Variants in SNX29 observed in about 807,000 individuals in gnomAD.
SNX29 encodes the protein sorting nexin-29.
Under a neutral mutation model 102.1 loss-of-function variants are expected in SNX29, and 78 were observed. The ratio of observed to expected loss-of-function variants is 0.76; its 90% CI spans 0.64 to 0.92. SNX29 has a LOEUF of 0.92. Ranked by LOEUF, SNX29 falls within the 40% of genes least tolerant of loss-of-function variation. The pLI, the probability that SNX29 is intolerant of heterozygous loss-of-function variation, is 0.00. For synonymous variants in SNX29, 580 were observed against 414.5 expected (o/e 1.40, Z -4.85); for missense variants, 1,280 against 1,061.7 (o/e 1.21, Z -2.86).
At chr16:12,257,560 G>C (rs1371662508) in intron 14 of SNX29, among the ~76,000 whole-genome samples, 1 of 152,064 alleles carries the variant, frequency 6.6e-6, no homozygotes, top group Non-Finnish European at 1.5e-5. Context: ...CCAGCCTGGA[G>C]TGCAATGGCA....
At chr16:12,528,987 C>T (rs1055566441) in intron 20 of SNX29, among the ~76,000 whole-genome samples, 1 of 152,222 alleles carries the variant, frequency 6.6e-6, no homozygotes, top group African/African-American at 2.4e-5. Context: ...CACACTCTTC[C>T]ATTTTTAAAT....
intron 18 of SNX29, among the ~76,000 whole-genome samples, chr16:12,406,070 A>T (rs2084150348): frequency 6.6e-6 from 1 of 152,212 alleles, no homozygotes; most frequent in Non-Finnish European, 1.5e-5. Flanking sequence ...ATTCCACAAA[A>T]GATTTGACAT....
intron 15 of SNX29, among the ~76,000 whole-genome samples, chr16:12,341,742 C>G (rs973543330): frequency 4.6e-5 from 7 of 152,232 alleles, no homozygotes; most frequent in Admixed American, 3.3e-4. Context: ...ACATTTGTCA[C>G]TTCCACCTGG....
intron 10 of SNX29, among the ~76,000 whole-genome samples, chr16:12,073,759 A>G (rs2051412662): frequency 1.3e-5 from 2 of 152,108 alleles, no homozygotes; most frequent in South Asian, 4.2e-4. Flanking sequence ...TCTAATGTTG[A>G]CAGTGGGGTG....
At chr16:12,008,146 G>A (rs531475481) in intron 3 of SNX29, among the ~76,000 whole-genome samples, 42 of 152,188 alleles carry the variant, frequency 2.8e-4, no homozygotes, top group Non-Finnish European at 4.0e-4. Context: ...GGGTTTCACC[G>A]TGTTAGCCAG....
intron 11 of SNX29, among the ~76,000 whole-genome samples, chr16:12,103,775 A>G (rs1265302980): frequency 1.3e-5 from 2 of 152,198 alleles, no homozygotes; most frequent in African/African-American, 4.8e-5. Context: ...ATGGGAGAAA[A>G]TTTTTGCAAT....
rs143553329 is a variant in SNX29, at chr16:12,569,206, A to T, written c.*577A>T. The stretch of plus-strand genomic sequence containing the variant: ...TAGACACCTGGCACTGTCACAGCTC[A>T]CTTTTCCAGAGGGATATTCCTGTGG... On this transcript the variant is annotated 3_prime_UTR_variant, in exon 21 of 21. Coordinates refer to ENST00000566228, the MANE Select transcript of SNX29 (RefSeq NM_032167.5). 1.9e-3 allele frequency: 401 copies of T among 216,656 alleles called. 4 individuals are homozygous for T. Among genetic ancestry groups the T allele is most frequent in the African/African-American group, 8.9e-3 (382 of 43,034 alleles). 13.4% of individuals were successfully genotyped at this position (216,656 alleles called of 1,614,324 possible). A position where few individuals can be genotyped will look rare whatever the true frequency, so the allele number is the denominator to read the frequency against.
rs557529075 is a variant in SNX29 at position 12,152,364 on chromosome 16, C to T, written c.1595+22606C>T. Among the ~76,000 whole-genome samples, 3 of 152,290 alleles carry T rather than the reference C, an allele frequency of 2.0e-5. No individual in the cohort carries two copies. The South Asian group carries it at 6.2e-4, about 32-fold the overall frequency. ...ACATCCAGACCAGGTAACTGGTTTA[C>T]AGATTGGGAAGATGGGACACCTGCA... is the stretch of plus-strand genomic sequence containing the variant. On this transcript the variant is annotated intron_variant, in intron 13 of 20. Coordinates refer to ENST00000566228, the MANE Select transcript of SNX29 (RefSeq NM_032167.5).
chr16:12,555,088 G>T (rs1042727740), intron 20 of SNX29, among the ~76,000 whole-genome samples: 25 of 151,352 alleles, frequency 1.7e-4, no homozygotes, highest in Middle Eastern at 3.4e-3. Context: ...GAGGAAAAGT[G>T]AAAGGGCCAA....
rs112414053 is a variant in SNX29, at chr16:12,572,832, G to A, written c.*4203G>A. On this transcript the variant is annotated 3_prime_UTR_variant, in exon 21 of 21. Coordinates refer to ENST00000566228, the MANE Select transcript of SNX29 (RefSeq NM_032167.5). ...CTGGTTAGGAGGCATCCCAGAAGGG[G>A]CAGCCTCATGCCCAGGTTTCAGCCC... 6 of 1,063,684 alleles carry A rather than the reference G, an allele frequency of 5.6e-6. No homozygotes were observed. Among genetic ancestry groups the A allele is most frequent in the Admixed American group, 5.4e-5 (1 of 18,656 alleles). The allele number at this position is 1,063,684 out of a possible 1,614,324, so 65.9% of individuals were successfully genotyped here. A position where few individuals can be genotyped will look rare whatever the true frequency, so the allele number is the denominator to read the frequency against.
chr16:12,493,315 C>T (rs985825561), intron 19 of SNX29, among the ~76,000 whole-genome samples: 1 of 152,148 alleles, frequency 6.6e-6, no homozygotes, highest in Admixed American at 6.5e-5. Flanking sequence ...TGGGAGTTCA[C>T]TCATGATTTG....
At chr16:12,131,424 G>T (rs1400200230) in intron 13 of SNX29, among the ~76,000 whole-genome samples, 2 of 152,156 alleles carry the variant, frequency 1.3e-5, no homozygotes, top group African/African-American at 2.4e-5. Context: ...ATCTATGCCT[G>T]TGATTGTTTA....
chr16:12,364,049 G>A (rs1022415829), intron 16 of SNX29, among the ~76,000 whole-genome samples: 1 of 152,106 alleles, frequency 6.6e-6, no homozygotes, highest in Non-Finnish European at 1.5e-5. Context: ...CTGGAGTGCA[G>A]TGGCACCATC....
chr16:12,208,792 G>A (rs962835657), intron 14 of SNX29, among the ~76,000 whole-genome samples: 33 of 151,050 alleles, frequency 2.2e-4, no homozygotes, highest in Admixed American at 1.1e-3. Flanking sequence ...ACTGAGCCAT[G>A]ATCATGCTAC....
chr16:12,553,620 T>C (rs34102191), intron 20 of SNX29, among the ~76,000 whole-genome samples: 36,672 of 135,924 alleles, frequency 0.27, 5,037 homozygotes, highest in East Asian at 0.65. Context: ...GATGGAATTT[T>C]GTGCTTGTTG....
chr16:12,274,166 T>C (rs1436203905), intron 14 of SNX29, among the ~76,000 whole-genome samples: 1 of 152,248 alleles, frequency 6.6e-6, no homozygotes, highest in East Asian at 1.9e-4. Context: ...ATCCTGCCTC[T>C]CACGTGGCTT....
intron 18 of SNX29, among the ~76,000 whole-genome samples, chr16:12,434,638 C>G (rs1389222160): frequency 6.6e-6 from 1 of 152,166 alleles, no homozygotes; most frequent in Non-Finnish European, 1.5e-5. Context: ...ACAGTTCCTC[C>G]AAGTGCTAGG....
At chr16:12,302,897 C>G (rs1567415989) in intron 15 of SNX29, among the ~76,000 whole-genome samples, 1 of 152,204 alleles carries the variant, frequency 6.6e-6, no homozygotes, top group African/African-American at 2.4e-5. Context: ...TCTTGAGGAG[C>G]TTCTGGGCTC....
intron 13 of SNX29, among the ~76,000 whole-genome samples, chr16:12,179,442 C>T (rs1021084092): frequency 6.6e-6 from 1 of 152,242 alleles, no homozygotes; most frequent in African/African-American, 2.4e-5. Context: ...CATGATGGCG[C>T]CACTGTACTC....
Sources: allele counts gnomAD v4.1 joint callset (sites outside exome capture counted in the v4.1 genomes callset), GRCh38; gene constraint gnomAD v4.1.1; transcripts MANE v1.5; gene names NCBI Gene and HGNC (gene_info 2026-07-23, HGNC 2026-07-21).